LARGE1: variants seen among roughly 807,000 people sequenced by gnomAD.
The protein encoded by LARGE1 is LARGE xylosyl- and glucuronyltransferase 1.
In LARGE1, 43 loss-of-function variants were observed where a neutral mutation model predicts 87.6. That is an observed-to-expected ratio of 0.49 (90% CI 0.38 to 0.63). LARGE1 has a LOEUF of 0.63. Among genes scored for constraint, LARGE1 ranks in the 30% least tolerant of loss-of-function variants. The pLI, the probability that LARGE1 is intolerant of heterozygous loss-of-function variation, is 0.00. For missense variants in LARGE1, 802 were observed against 1,000.2 expected, an observed-to-expected ratio of 0.80 and a Z score of 2.67; for synonymous variants, 434 against 394.6, an observed-to-expected ratio of 1.10 and a Z score of -1.18.
intron 11 of LARGE1, among the ~76,000 whole-genome samples, chr22:33,193,819 T>A (rs183481860): frequency 0.03 from 4,519 of 149,528 alleles, 96 homozygotes; most frequent in Admixed American, 0.056. Context: ...CTATAAAAAG[T>A]AATTTATATA....
At position 33,309,555 on chromosome 22, in the gene LARGE1, A is replaced by T. The variant is rs533947093; in HGVS notation, c.1452-5048T>A. On this transcript the variant is annotated intron_variant, in intron 11 of 14. Coordinates refer to ENST00000397394, the MANE Select transcript of LARGE1 (RefSeq NM_133642.5). ...ATGAGGCACTCTCTGTGAGCCAGGA[A>T]GTGCCCCCTCGCCAGACACCAAATC... 4.6e-5 allele frequency among the ~76,000 whole-genome samples: 7 copies of T among 152,316 alleles called. No individual in the cohort carries two copies. The South Asian group carries it at 1.2e-3, about 27-fold the overall frequency.
intron 9 of LARGE1, among the ~76,000 whole-genome samples, chr22:33,368,330 T>C (rs1348763673): frequency 1.3e-5 from 2 of 152,062 alleles, no homozygotes; most frequent in Non-Finnish European, 2.9e-5. Flanking sequence ...GGTCAAGAGT[T>C]TGAGACCAGC....
intron 2 of LARGE1, chr22:33,732,208 C>A (rs185277373): frequency 6.6e-6 from 1 of 152,194 alleles, no homozygotes; most frequent in Middle Eastern, 3.2e-3. Context: ...ACAGAAAGGT[C>A]GTGTGCAGGA....
the LARGE1 span, among the ~76,000 whole-genome samples, chr22:33,129,794 C>G: frequency 6.6e-6 from 1 of 152,114 alleles, no homozygotes; most frequent in South Asian, 2.1e-4. Context: ...TTAAAACCGT[C>G]AGATCTCATG....
intron 1 of LARGE1, among the ~76,000 whole-genome samples, chr22:33,901,532 G>C (rs896988386): frequency 6.6e-6 from 1 of 152,164 alleles, no homozygotes; most frequent in Non-Finnish European, 1.5e-5. Context: ...TTAGTTGGGT[G>C]AGGTGGCACA....
At chr22:33,845,434 G>A (rs2063401552) in intron 1 of LARGE1, among the ~76,000 whole-genome samples, 1 of 152,086 alleles carries the variant, frequency 6.6e-6, no homozygotes, top group African/African-American at 2.4e-5. Context: ...TAAGCCTCCT[G>A]AGTAGCTGAG....
chr22:33,911,560 AT>A (rs1464504480), intron 1 of LARGE1, among the ~76,000 whole-genome samples: 3 of 152,172 alleles, frequency 2.0e-5, no homozygotes, highest in Non-Finnish European at 4.4e-5. Context: ...TTTCATAATC[AT>A]CGTCATCCAT....
chr22:33,113,528 CT>C, the LARGE1 span, among the ~76,000 whole-genome samples: 1 of 152,174 alleles, frequency 6.6e-6, no homozygotes, highest in Non-Finnish European at 1.5e-5. Context: ...ATCACCCAAA[CT>C]TGTGTGCATA....
chr22:33,775,573 G>A (rs7285798), intron 1 of LARGE1, among the ~76,000 whole-genome samples: 9,311 of 152,168 alleles, frequency 0.061, 959 homozygotes, highest in African/African-American at 0.21. Flanking sequence ...GGGGGTTGGC[G>A]GGGCTCAGTG....
At chr22:33,633,692 C>T (rs1411143719) in intron 3 of LARGE1, among the ~76,000 whole-genome samples, 1 of 152,104 alleles carries the variant, frequency 6.6e-6, no homozygotes, top group Non-Finnish European at 1.5e-5. Flanking sequence ...GAGTGAGAGG[C>T]GAAACCCATT....
chr22:33,210,242 G>T (rs1924889355), intron 11 of LARGE1, among the ~76,000 whole-genome samples: 1 of 152,238 alleles, frequency 6.6e-6, no homozygotes, highest in Non-Finnish European at 1.5e-5. Context: ...GCCTCCACAG[G>T]CCTTTGGGGC....
At chr22:33,677,383 A>G (rs948372687) in intron 2 of LARGE1, among the ~76,000 whole-genome samples, 2 of 152,130 alleles carry the variant, frequency 1.3e-5, no homozygotes, top group Non-Finnish European at 2.9e-5. Context: ...TGGAACTAGT[A>G]GAGGAACAAA....
chr22:33,691,875 T>G (rs2082110058), intron 2 of LARGE1, among the ~76,000 whole-genome samples: 1 of 152,164 alleles, frequency 6.6e-6, no homozygotes, highest in Non-Finnish European at 1.5e-5. Context: ...AGCAGTTCTC[T>G]TCCTCCCTCT....
At chr22:33,524,765 A>T (rs1012678709) in intron 6 of LARGE1, among the ~76,000 whole-genome samples, 2 of 150,798 alleles carry the variant, frequency 1.3e-5, no homozygotes, top group African/African-American at 4.9e-5. Context: ...AAAAAAAAAA[A>T]GCAAAACCAA....
chr22:33,856,330 G>A (rs1387219621), intron 1 of LARGE1, among the ~76,000 whole-genome samples: 1 of 152,142 alleles, frequency 6.6e-6, no homozygotes. Flanking sequence ...AAGCTGGGTG[G>A]GTGGGTGGTG....
chr22:33,299,335 G>A (rs987034637), intron 12 of LARGE1, among the ~76,000 whole-genome samples: 1 of 152,000 alleles, frequency 6.6e-6, no homozygotes, highest in African/African-American at 2.4e-5. Context: ...AAGAGGGAAG[G>A]GAAAGGGGAG....
intron 11 of LARGE1, among the ~76,000 whole-genome samples, chr22:33,251,300 CTT>C (rs780350643): frequency 9.9e-5 from 15 of 152,210 alleles, no homozygotes; most frequent in Non-Finnish European, 1.9e-4. Context: ...CCTGATGGCT[CTT>C]TCTCTGTGGA....
At chr22:33,123,452 G>A in the LARGE1 span, among the ~76,000 whole-genome samples, 4 of 152,252 alleles carry the variant, frequency 2.6e-5, no homozygotes, top group South Asian at 6.2e-4. Context: ...CCTATGGGAT[G>A]CTCACTGCTG....
chr22:33,452,932 T>C (rs2067995248), intron 6 of LARGE1, among the ~76,000 whole-genome samples: 2 of 152,346 alleles, frequency 1.3e-5, no homozygotes, highest in East Asian at 1.9e-4. Flanking sequence ...GCCAAAGGCC[T>C]GGTAGAGAGG....
Sources: gnomAD v4.1 joint callset for allele counts (sites outside exome capture counted in the v4.1 genomes callset) on GRCh38, gnomAD v4.1.1 for gene constraint, MANE v1.5 for transcripts, NCBI Gene and HGNC (gene_info 2026-07-23, HGNC 2026-07-21) for gene names.